Variants in TRIM37 observed in about 807,000 individuals in gnomAD.
TRIM37 encodes the protein E3 ubiquitin-protein ligase TRIM37.
TRIM37 carries 80 observed loss-of-function variants against 129.8 expected under a neutral mutation model. That is an observed-to-expected ratio of 0.62 (90% confidence interval 0.51 to 0.74). The LOEUF (loss-of-function observed/expected upper bound fraction) is 0.74. Among genes scored for constraint, TRIM37 ranks in the 30% least tolerant of loss-of-function variants. The pLI, the probability that TRIM37 is intolerant of heterozygous loss-of-function variation, is 0.00. For missense variants in TRIM37, 1,054 were observed against 1,176.5 expected, an observed-to-expected ratio of 0.90 and a Z score of 1.52; for synonymous variants, 389 against 387.1, an observed-to-expected ratio of 1.00 and a Z score of -0.06.
At chr17:59,084,533 A>G (rs1170506319) in intron 4 of TRIM37, among the ~76,000 whole-genome samples, 2 of 152,230 alleles carry the variant, frequency 1.3e-5, no homozygotes, top group Non-Finnish European at 2.9e-5. Context: ...ATTTAATACT[A>G]GACCCTCATG....
chr17:59,058,638 G>A (rs1275371609), intron 12 of TRIM37, among the ~76,000 whole-genome samples: 2 of 151,822 alleles, frequency 1.3e-5, no homozygotes, highest in East Asian at 3.9e-4. Flanking sequence ...TGGGCAGATC[G>A]CCTGAGCCCA....
At chr17:58,983,675 G>C (rs1206599457) in intron 24 of TRIM37, 2 of 152,620 alleles carry the variant, frequency 1.3e-5, no homozygotes, top group African/African-American at 4.8e-5. Flanking sequence ...TATAGTCTGT[G>C]AATTATGTGT....
At chr17:59,101,655 CAAAAAA>C (rs763661189) in intron 2 of TRIM37, among the ~76,000 whole-genome samples, 4 of 58,736 alleles carry the variant, frequency 6.8e-5, no homozygotes, top group Non-Finnish European at 1.3e-4. Context: ...CCCATCTCTA[CAAAAAA>C]AAAAAAAAAA....
At chr17:58,972,026 A>C in the TRIM37 span, 1 of 1,053,854 alleles carries the variant, frequency 9.5e-7, no homozygotes, top group Non-Finnish European at 1.4e-6. Flanking sequence ...TTCCATTATT[A>C]ATAGTATAGC....
chr17:58,973,811 G>C, the TRIM37 span, among the ~76,000 whole-genome samples: 1 of 152,058 alleles, frequency 6.6e-6, no homozygotes, highest in East Asian at 1.9e-4. Flanking sequence ...AATTAGCTGG[G>C]TGTTGTGGCA....
rs564271571 is a variant in TRIM37 at position 59,004,811 on chromosome 17, G to A, written c.2696-3097C>T. ...TAAAAAGCTTCCAACAAAGGCAACT[G>A]TGGCCCCACATGGCTTCAGTGGTAC... On this transcript the variant is annotated intron_variant, in intron 22 of 23. Transcript: ENST00000262294. Among the ~76,000 whole-genome samples, 104 of 152,292 alleles carry A rather than the reference G, an allele frequency of 6.8e-4. 4 individuals are homozygous for A. The South Asian group carries it at 0.021, about 30-fold the overall frequency.
At chr17:58,980,329 T>C, downstream of TRIM37, 2 of 1,614,116 alleles carry the variant, frequency 1.2e-6, no homozygotes, top group Non-Finnish European at 1.7e-6. The surrounding 1 kb of genome is among the most constrained non-coding windows in gnomAD (Gnocchi z 4.7). Flanking sequence ...AGGAGAATCA[T>C]GGAGAGTGCA....
intron 19 of TRIM37, among the ~76,000 whole-genome samples, chr17:59,024,873 T>TG (rs1488150007): frequency 6.6e-6 from 1 of 152,134 alleles, no homozygotes; most frequent in Non-Finnish European, 1.5e-5. Context: ...CAAAATACTT[T>TG]GGAGGAGGAT....
At chr17:59,061,408 T>C (rs879638341) in intron 11 of TRIM37, among the ~76,000 whole-genome samples, 1 of 151,510 alleles carries the variant, frequency 6.6e-6, no homozygotes, top group Non-Finnish European at 1.5e-5. Context: ...AAGACCCTAA[T>C]GGGAAAAATA....
Position 59,051,282 on chromosome 17 carries a change from G to A in TRIM37, c.1246C>T (p.His416Tyr), listed in dbSNP as rs763574384. ...PTFFQKSRDQ[H>Y]WYITQLEAAQ... ...GCTTCCAACTGAGTAATGTACCAAT[G>A]CTGGTCCCGGGATTTTTGAAAGAAA... The change falls in exon 14 of 24, where the codon CAT becomes TAT. Residue 416 changes from histidine (H) to tyrosine (Y), a missense_variant. Coordinates refer to ENST00000262294, the MANE Select transcript of TRIM37 (RefSeq NM_015294.6). 1.1e-5 allele frequency: 17 copies of A among 1,613,730 alleles called. No individual in the cohort carries two copies. The South Asian group carries it at 1.8e-4, about 17-fold the overall frequency.
chr17:59,094,005 A>T (rs890494423), intron 2 of TRIM37, among the ~76,000 whole-genome samples: 4 of 151,960 alleles, frequency 2.6e-5, no homozygotes, highest in African/African-American at 9.7e-5. Flanking sequence ...AGCAATTCTC[A>T]TGCCTCAGCC....
intron 24 of TRIM37, chr17:58,984,839 C>T (rs1232918090): frequency 6.6e-6 from 1 of 152,402 alleles, no homozygotes; most frequent in African/African-American, 2.4e-5. Context: ...TCCAGACTGA[C>T]ACAGCAGTTG....
At chr17:58,986,915 T>G (rs1443232787) in intron 24 of TRIM37, among the ~76,000 whole-genome samples, 2 of 152,216 alleles carry the variant, frequency 1.3e-5, no homozygotes, top group Non-Finnish European at 2.9e-5. Flanking sequence ...GATCCCTTAC[T>G]TACATTTAAA....
At chr17:59,045,671 A>C (rs1307602019) in intron 16 of TRIM37, among the ~76,000 whole-genome samples, 1 of 151,646 alleles carries the variant, frequency 6.6e-6, no homozygotes, top group Non-Finnish European at 1.5e-5. Flanking sequence ...AAAAAAAATT[A>C]CACACTATGA....
Position 59,102,555 on chromosome 17 carries a change from T to C in TRIM37, c.123+1738A>G, listed in dbSNP as rs567144371. ...GATATAGTATTTCATAATTTCTGAA[T>C]TACTCCTTAGGTTATCTCATTTAAT... On this transcript the variant is annotated intron_variant, in intron 2 of 23. Transcript: ENST00000262294. 2.6e-5 allele frequency among the ~76,000 whole-genome samples: 4 copies of C among 152,332 alleles called. No homozygotes were observed. The East Asian group carries it at 7.7e-4, about 29-fold the overall frequency.
At chr17:59,031,048 C>T (rs1043179592) in intron 18 of TRIM37, among the ~76,000 whole-genome samples, 5 of 152,176 alleles carry the variant, frequency 3.3e-5, no homozygotes, top group African/African-American at 1.2e-4. Flanking sequence ...ATATCTGGCT[C>T]TTAGGAAAGA....
At chr17:59,068,756 C>G (rs1177080972) in intron 9 of TRIM37, among the ~76,000 whole-genome samples, 2 of 152,166 alleles carry the variant, frequency 1.3e-5, no homozygotes, top group East Asian at 1.9e-4. Context: ...CACTGGAGTT[C>G]TAGCTGTCAG....
chr17:58,994,842 C>A (rs1051764315), downstream of TRIM37, among the ~76,000 whole-genome samples: 2 of 151,802 alleles, frequency 1.3e-5, no homozygotes, highest in Non-Finnish European at 2.9e-5. Context: ...CTCCGCCTCA[C>A]GGGTTTAAGC....
chr17:59,100,655 A>G lies in TRIM37; in HGVS notation c.123+3638T>C, dbSNP rs1167497224. Among the ~76,000 whole-genome samples, 5 of 152,170 alleles carry G rather than the reference A, an allele frequency of 3.3e-5. No individual in the cohort carries two copies. The East Asian group carries it at 9.6e-4, about 29-fold the overall frequency. The stretch of plus-strand genomic sequence containing the variant: ...GGAGGAATTACCAAGAGGCACAAGG[A>G]AACTTTTGGGGATGACAGATATATT... On this transcript the variant is annotated intron_variant, in intron 2 of 23. Coordinates refer to ENST00000262294, the MANE Select transcript of TRIM37 (RefSeq NM_015294.6).
Sources: gnomAD v4.1 joint callset for allele counts (sites outside exome capture counted in the v4.1 genomes callset) on GRCh38, gnomAD v4.1.1 for gene constraint, Gnocchi (gnomAD v3.1) non-coding constraint, MANE v1.5 for transcripts, NCBI Gene and HGNC (gene_info 2026-07-23, HGNC 2026-07-21) for gene names.